CUX1: variants seen among roughly 807,000 people sequenced by gnomAD.
The protein encoded by CUX1 is cut like homeobox 1.
Under a neutral mutation model 158.8 loss-of-function variants are expected in CUX1, and 31 were observed. The observed-to-expected ratio is 0.20, with a 90% CI of 0.15 to 0.26. CUX1 has a LOEUF of 0.26. Ranked by LOEUF, CUX1 falls within the 10% of genes least tolerant of loss-of-function variation. The probability of loss-of-function intolerance (pLI) is 1.00; values close to 1 mark genes in which losing one functional copy is unlikely to be tolerated. For synonymous variants in CUX1, 879 were observed against 862.1 expected (o/e 1.02, Z -0.34); for missense variants, 1,589 against 2,014.6 (o/e 0.79, Z 4.04).
rs782057213 is a variant in CUX1, at chr7:102,281,813, C to T, written c.1822-27C>T. ...CAGGGGTGGGTGAGGCCGGCCCCAT[C>T]CCCACTCACCCCCTCCTTGCTCCCA... is the stretch of plus-strand genomic sequence containing the variant. On this transcript the variant is annotated intron_variant, in intron 20 of 22. Coordinates refer to the CUX1 transcript ENST00000292538. 24 of 1,534,656 alleles carry T rather than the reference C, an allele frequency of 1.6e-5. No homozygotes were observed. In the African/African-American group the frequency reaches 3.1e-4, roughly 20 times the overall value.
At chr7:101,896,581 T>C (rs1801543109) in intron 1 of CUX1, among the ~76,000 whole-genome samples, 1 of 152,144 alleles carries the variant, frequency 6.6e-6, no homozygotes, top group Non-Finnish European at 1.5e-5. Flanking sequence ...TGCTCAGACT[T>C]TCCCATGACA....
chr7:102,248,764 C>A lies in CUX1; in HGVS notation c.4240C>A (p.Pro1414Thr), dbSNP rs1343213653. The A allele has an allele frequency of 9.7e-6, 10 of 1,034,652 alleles. No homozygotes were observed. Among genetic ancestry groups the A allele is most frequent in the Non-Finnish European group, 1.2e-5 (10 of 861,480 alleles). The allele number at this position is 1,034,652 out of a possible 1,614,324, so 64.1% of individuals were successfully genotyped here. ...CGCCTCCGCGACCGCCACCGCCGCGCCCGCGGCCCCCGAGGACGCCGCTAC... is the reference window on the plus strand; with the variant it reads ...CGCCTCCGCGACCGCCACCGCCGCGACCGCGGCCCCCGAGGACGCCGCTAC... ...SPASATATAA[P>T]AAPEDAATSA... The change falls in exon 24 of 24, where the codon CCC becomes ACC. Residue 1414 changes from proline to threonine, a missense_variant. Pro to Thr is a conservative substitution (Grantham distance 38). Around this residue, in one of 8 missense-constraint regions of CUX1, gnomAD observed 344 missense variants for 323.7 expected, o/e 1.06. Transcript: ENST00000292535. This position sits in a 1 kb window ranked among gnomAD's most constrained non-coding sequence, Gnocchi z 5.8.
chr7:102,274,138 C>A (rs1397228383), intron 15 of CUX1: 17 of 1,109,438 alleles, frequency 1.5e-5, no homozygotes, highest in South Asian at 3.8e-5. Flanking sequence ...TGGCCCCACC[C>A]ACTCCTTGCC....
chr7:102,212,288 G>GC (rs1240695906), intron 20 of CUX1, among the ~76,000 whole-genome samples: 5 of 152,178 alleles, frequency 3.3e-5, no homozygotes, highest in Non-Finnish European at 1.5e-5. Context: ...TTGTTTCAAA[G>GC]CAACAAACGT....
chr7:101,915,963 G>C, intron 1 of CUX1, 152 bp from the exon 2 acceptor site: 1 of 623,828 alleles, frequency 1.6e-6, no homozygotes, highest in African/African-American at 1.8e-5. Context: ...CTGCCTTCCC[G>C]CCACCCTCCA....
intron 2 of CUX1, among the ~76,000 whole-genome samples, chr7:101,993,188 G>A (rs910817461): frequency 6.6e-6 from 1 of 152,144 alleles, no homozygotes; most frequent in African/African-American, 2.4e-5. Context: ...AAAGTTAGCC[G>A]GGTGTGTGGT....
chr7:101,894,399 C>T (rs191226603), intron 1 of CUX1, among the ~76,000 whole-genome samples: 4,040 of 152,194 alleles, frequency 0.027, 81 homozygotes, highest in Non-Finnish European at 0.036. Flanking sequence ...CTGCAAGCTC[C>T]GCCTCCTGGG....
intron 3 of CUX1, among the ~76,000 whole-genome samples, chr7:102,044,362 G>A (rs188514771): frequency 5.7e-4 from 87 of 151,614 alleles, no homozygotes; most frequent in Non-Finnish European, 9.7e-4. Flanking sequence ...GCAAATTTTT[G>A]TATTTTTAGT....
At chr7:101,826,227 G>T (rs1363425601) in intron 1 of CUX1, among the ~76,000 whole-genome samples, 1 of 151,930 alleles carries the variant, frequency 6.6e-6, no homozygotes, top group Non-Finnish European at 1.5e-5. Context: ...TTGAGGCAGG[G>T]TCTTGCTCTG....
At chr7:102,052,655 TA>T (rs1161010570) in intron 3 of CUX1, among the ~76,000 whole-genome samples, 1 of 152,232 alleles carries the variant, frequency 6.6e-6, no homozygotes, top group Non-Finnish European at 1.5e-5. Context: ...CTTGCCTACC[TA>T]GGAGTAGAAT....
At chr7:101,950,445 A>C (rs1186396075) in intron 2 of CUX1, among the ~76,000 whole-genome samples, 2 of 152,066 alleles carry the variant, frequency 1.3e-5, no homozygotes, top group African/African-American at 4.8e-5. Context: ...AAATACACAT[A>C]ACATAAAATT....
At chr7:102,167,228 G>A (rs912129844) in intron 9 of CUX1, among the ~76,000 whole-genome samples, 4 of 150,638 alleles carry the variant, frequency 2.7e-5, no homozygotes, top group East Asian at 3.9e-4. Flanking sequence ...AAATCATACC[G>A]CTGCACTCCA....
intron 1 of CUX1, among the ~76,000 whole-genome samples, chr7:101,895,395 A>G (rs1253419071): frequency 6.6e-6 from 1 of 152,126 alleles, no homozygotes; most frequent in Admixed American, 6.5e-5. Context: ...TGGGAAACCA[A>G]TGGTCTGGGT....
At chr7:102,273,120 A>G (rs1480195278) in intron 14 of CUX1, among the ~76,000 whole-genome samples, 2 of 152,062 alleles carry the variant, frequency 1.3e-5, no homozygotes, top group Admixed American at 6.6e-5. Flanking sequence ...TACCCAGGGG[A>G]TTTCATCAAT....
At chr7:101,987,700 G>T (rs763685553) in intron 2 of CUX1, among the ~76,000 whole-genome samples, 68 of 152,356 alleles carry the variant, frequency 4.5e-4, no homozygotes, top group Admixed American at 9.8e-4. Flanking sequence ...CAGGGCACGT[G>T]CCTGAGGGCC....
At chr7:102,215,600 A>C (rs544634544) in intron 20 of CUX1, among the ~76,000 whole-genome samples, 78 of 152,346 alleles carry the variant, frequency 5.1e-4, no homozygotes, top group Non-Finnish European at 1.0e-3. Context: ...TAAGTAAAGC[A>C]GTATGGAGAG....
intron 11 of CUX1, among the ~76,000 whole-genome samples, chr7:102,183,556 A>C (rs1464880582): frequency 6.6e-6 from 1 of 152,230 alleles, no homozygotes; most frequent in Admixed American, 6.5e-5. Context: ...ATGGAGACAC[A>C]TGTCCTTATC....
intron 1 of CUX1, among the ~76,000 whole-genome samples, chr7:101,868,727 G>A (rs191000950): frequency 1.6e-4 from 25 of 152,340 alleles, no homozygotes; most frequent in African/African-American, 5.3e-4. Flanking sequence ...AGTGCTTTAG[G>A]GGTTGACAGG....
chr7:102,226,107 A>T (rs367936370), intron 20 of CUX1, among the ~76,000 whole-genome samples: 2 of 152,198 alleles, frequency 1.3e-5, no homozygotes, highest in Non-Finnish European at 2.9e-5. Flanking sequence ...ATCAGGTTTT[A>T]TGGGCTGTTA....
Sources: gnomAD v4.1 joint callset for allele counts (sites outside exome capture counted in the v4.1 genomes callset) on GRCh38, gnomAD v4.1.1 for gene constraint, gnomAD v4.1.1 regional missense constraint, Gnocchi (gnomAD v3.1) non-coding constraint, MANE v1.5 for transcripts, NCBI Gene and HGNC (gene_info 2026-07-23, HGNC 2026-07-21) for gene names.